Variants in CSMD1 observed in about 807,000 individuals in gnomAD.
The protein encoded by CSMD1 is CUB and sushi domain-containing protein 1.
A neutral mutation model predicts 417.5 loss-of-function variants in CSMD1; 213 were observed. The ratio of observed to expected loss-of-function variants is 0.51; its 90% confidence interval spans 0.46 to 0.57. The LOEUF is 0.57. Ranked by LOEUF, CSMD1 falls within the 20% of genes least tolerant of loss-of-function variation. CSMD1 has a pLI of 0.00. For synonymous variants in CSMD1, 2,862 were observed against 1,736.8 expected (o/e 1.65, Z -16.11); for missense variants, 6,923 against 4,529.7 (o/e 1.53, Z -15.17).
chr8:3,306,473 G>C (rs969149410), intron 25 of CSMD1, among the ~76,000 whole-genome samples: 3 of 152,136 alleles, frequency 2.0e-5, no homozygotes, highest in African/African-American at 4.8e-5. Flanking sequence ...GCCTGACTTT[G>C]ACCTGTAACT....
rs552458822 is a variant in CSMD1 at position 4,146,723 on chromosome 8, T to G, written c.416-114624A>C. Among the ~76,000 whole-genome samples, 17 of 143,092 alleles carry G rather than the reference T, an allele frequency of 1.2e-4. No homozygotes were observed. In the East Asian group the frequency reaches 3.8e-3, roughly 32 times the overall value. The allele number at this position is 143,092 out of a possible 152,430, so 93.9% of individuals were successfully genotyped here. A position where few individuals can be genotyped will look rare whatever the true frequency, so the allele number is the denominator to read the frequency against. ...ACCTCCCGAGTTCACGCCATTCTCC[T>G]GCCTCAGCCTCCAGAGGAGCTGGGA... On this transcript the variant is annotated intron_variant, in intron 3 of 69. Coordinates refer to ENST00000635120, the MANE Select transcript of CSMD1 (RefSeq NM_033225.6).
chr8:4,702,223 G>T (rs1162053423), intron 1 of CSMD1, among the ~76,000 whole-genome samples: 2 of 152,060 alleles, frequency 1.3e-5, no homozygotes, highest in South Asian at 2.1e-4. Context: ...GTTTACCTTT[G>T]GAACAAACCT....
chr8:4,647,393 A>ACGTAGGTACGCGTGTGCCACGGC (rs1803590895), intron 1 of CSMD1, among the ~76,000 whole-genome samples: 1 of 80,612 alleles, frequency 1.2e-5, no homozygotes, highest in Non-Finnish European at 2.4e-5. Flanking sequence ...TGTGCCACGG[A>ACGTAGGTACGCGTGTGCCACGGC]GGTCTGTTAG....
chr8:3,617,915 A>G (rs554065677), intron 7 of CSMD1, among the ~76,000 whole-genome samples: 1 of 152,360 alleles, frequency 6.6e-6, no homozygotes, highest in East Asian at 1.9e-4. Flanking sequence ...TTCCGTGAGA[A>G]GAAAATAATA....
Position 3,843,711 on chromosome 8 carries a change from T to G in CSMD1, c.819-89669A>C, listed in dbSNP as rs147154200. Among the ~76,000 whole-genome samples, 471 of 152,262 alleles carry G rather than the reference T, an allele frequency of 3.1e-3. 12 individuals carry two copies. The highest frequency in any genetic ancestry group is 9.9e-4 in the Non-Finnish European group (67 of 68,016). ...ACAGTGGGTGGAACACAGACCTAGT[T>G]TGAGCACTGAAAGGAGGTGGCTGGT... On this transcript the variant is annotated intron_variant, in intron 5 of 69. Coordinates refer to ENST00000635120, the MANE Select transcript of CSMD1 (RefSeq NM_033225.6).
In CSMD1 at chr8:3,212,394, G is replaced by A. The variant is rs529055011; in HGVS notation, c.4867+2103C>T. ...CTTCCTCTGTCGATCTGTTGCCCAG[G>A]CTATAGTGCAGTGGAGCAATCTCGG... On this transcript the variant is annotated intron_variant, in intron 30 of 69. Coordinates refer to ENST00000635120, the MANE Select transcript of CSMD1 (RefSeq NM_033225.6). 2.6e-5 allele frequency among the ~76,000 whole-genome samples: 4 copies of A among 152,174 alleles called. No homozygotes were observed. In the South Asian group the frequency reaches 8.3e-4, roughly 32 times the overall value.
rs114251963 is a variant in CSMD1 at position 3,624,394 on chromosome 8, C to T, written c.1010-7597G>A. Reference sequence around the variant, plus strand: ...ATGTAAGGTGTCATTTTAAGTTAAACGTTGATTTATATTTGGAATAAATAA... The same window carrying T: ...ATGTAAGGTGTCATTTTAAGTTAAATGTTGATTTATATTTGGAATAAATAA... On this transcript the variant is annotated intron_variant, in intron 7 of 69. Coordinates refer to ENST00000635120, the MANE Select transcript of CSMD1 (RefSeq NM_033225.6). Among the ~76,000 whole-genome samples, 960 of 152,246 alleles carry T rather than the reference C, an allele frequency of 6.3e-3. 10 individuals are homozygous for T. Among genetic ancestry groups the T allele is most frequent in the African/African-American group, 0.021 (880 of 41,546 alleles).
chr8:3,385,526 G>C (rs1408298119), intron 18 of CSMD1, among the ~76,000 whole-genome samples: 1 of 151,748 alleles, frequency 6.6e-6, no homozygotes, highest in Non-Finnish European at 1.5e-5. Flanking sequence ...GCATTTGTTA[G>C]GATCTTCAAA....
intron 3 of CSMD1, among the ~76,000 whole-genome samples, chr8:4,333,937 A>G (rs1042086066): frequency 6.6e-6 from 1 of 151,976 alleles, no homozygotes; most frequent in East Asian, 1.9e-4. Flanking sequence ...TGTCATCCAG[A>G]CTGGAGGGCA....
chr8:4,404,785 G>C (rs1804892766), intron 3 of CSMD1, among the ~76,000 whole-genome samples: 1 of 151,990 alleles, frequency 6.6e-6, no homozygotes, highest in Admixed American at 6.6e-5. Context: ...CCATAAGCAA[G>C]ACTTGAACTA....
intron 10 of CSMD1, among the ~76,000 whole-genome samples, chr8:3,536,496 T>A (rs760651344): frequency 8.5e-5 from 13 of 152,142 alleles, no homozygotes; most frequent in Non-Finnish European, 1.8e-4. Flanking sequence ...GGGGATTATG[T>A]TTTTTCCTCT....
rs150717351 is a variant in CSMD1, at chr8:4,812,901, G to A, written c.86-175343C>T. 3.8e-3 allele frequency among the ~76,000 whole-genome samples: 571 copies of A among 152,192 alleles called. 14 individuals are homozygous for A. In the South Asian group the frequency reaches 0.042, roughly 11 times the overall value. On this transcript the variant is annotated intron_variant, in intron 1 of 69. Transcript: ENST00000635120. Reference sequence around the variant, plus strand: ...ACACCCTTGAGAAACAGGTAATATTGCTTGTATCAGTTTATAGCAACACTA... The same window carrying A: ...ACACCCTTGAGAAACAGGTAATATTACTTGTATCAGTTTATAGCAACACTA...
intron 12 of CSMD1, among the ~76,000 whole-genome samples, chr8:3,428,631 T>C (rs1461194813): frequency 1.3e-5 from 2 of 152,140 alleles, no homozygotes; most frequent in Non-Finnish European, 2.9e-5. Flanking sequence ...ACAGCCACCA[T>C]GGAAAACAGT....
chr8:3,917,896 G>A (rs1177495601), intron 5 of CSMD1, among the ~76,000 whole-genome samples: 1 of 152,022 alleles, frequency 6.6e-6, no homozygotes, highest in Non-Finnish European at 1.5e-5. Context: ...AATTTTAAAT[G>A]AAAATTTAAA....
intron 1 of CSMD1, among the ~76,000 whole-genome samples, chr8:4,870,513 A>T (rs142179071): frequency 6.6e-6 from 1 of 152,038 alleles, no homozygotes; most frequent in African/African-American, 2.4e-5. Flanking sequence ...GTCACATGCA[A>T]CTTGGCCAAG....
chr8:3,573,805 AT>A (rs1453430773), intron 10 of CSMD1, among the ~76,000 whole-genome samples: 5 of 150,882 alleles, frequency 3.3e-5, no homozygotes, highest in African/African-American at 1.2e-4. Flanking sequence ...GGTTCAGTAA[AT>A]TTAATATTAC....
rs150982598 is a variant in CSMD1, at chr8:4,787,170, C to T, written c.86-149612G>A. Among the ~76,000 whole-genome samples the T allele has an allele frequency of 5.1e-3, 772 of 152,332 alleles. 4 individuals are homozygous for T. Among genetic ancestry groups the T allele is most frequent in the Middle Eastern group, 0.014 (4 of 294 alleles). On this transcript the variant is annotated intron_variant, in intron 1 of 69. Coordinates refer to ENST00000635120, the MANE Select transcript of CSMD1 (RefSeq NM_033225.6). ...ACCCCTCCGGGTTCGGCCGCTGTAG[C>T]GGAGCTCGGAAAGAGTGGCGCAGGG...
At chr8:4,168,738 T>C (rs1047669329) in intron 3 of CSMD1, among the ~76,000 whole-genome samples, 2 of 152,188 alleles carry the variant, frequency 1.3e-5, no homozygotes, top group African/African-American at 4.8e-5. Flanking sequence ...TTAGACCTCA[T>C]TGGCTATTCA....
At chr8:4,038,605 G>A (rs1039248874) in intron 3 of CSMD1, among the ~76,000 whole-genome samples, 1 of 152,170 alleles carries the variant, frequency 6.6e-6, no homozygotes, top group Non-Finnish European at 1.5e-5. Context: ...TACACATGAA[G>A]AATTTAGTAA....
Sources: gnomAD v4.1 joint callset for allele counts (sites outside exome capture counted in the v4.1 genomes callset) on GRCh38, gnomAD v4.1.1 for gene constraint, MANE v1.5 for transcripts, NCBI Gene and HGNC (gene_info 2026-07-23, HGNC 2026-07-21) for gene names.